EYS: variants seen among roughly 807,000 people sequenced by gnomAD.
EYS encodes the protein EGF-like photoreceptor maintenance factor, also known as protein eyes shut homolog.
A neutral mutation model predicts 282.1 loss-of-function variants in EYS; 250 were observed. That is an observed-to-expected ratio of 0.89 (90% CI 0.80 to 0.98). EYS has a LOEUF of 0.98. EYS is among the 50% of genes least tolerant of loss of function. The pLI is 0.00. For synonymous variants in EYS, 1,355 were observed against 1,282.9 expected (o/e 1.06, Z -1.20); for missense variants, 4,016 against 3,709.0 (o/e 1.08, Z -2.15).
At chr6:64,396,395 T>A (rs181627746) in intron 28 of EYS, among the ~76,000 whole-genome samples, 2,619 of 152,210 alleles carry the variant, frequency 0.017, 66 homozygotes, top group African/African-American at 0.06. Context: ...AGGATTTTCT[T>A]TTTACTTTGG....
intron 31 of EYS, among the ~76,000 whole-genome samples, chr6:64,207,240 C>G (rs554127973): frequency 7.3e-5 from 11 of 151,616 alleles, no homozygotes; most frequent in Non-Finnish European, 1.6e-4. Context: ...ATAATTAACC[C>G]ACTCCCAAGT....
At chr6:65,042,435 T>C (rs945398348) in intron 13 of EYS, among the ~76,000 whole-genome samples, 7 of 151,610 alleles carry the variant, frequency 4.6e-5, no homozygotes, top group African/African-American at 1.7e-4. Context: ...TGTAATTTTC[T>C]TGCTTTCATT....
chr6:64,267,785 A>C (rs1767810765), intron 30 of EYS, among the ~76,000 whole-genome samples: 1 of 152,108 alleles, frequency 6.6e-6, no homozygotes, highest in Admixed American at 6.6e-5. Flanking sequence ...ACAGAAAAGG[A>C]ATATGGATAT....
intron 27 of EYS, among the ~76,000 whole-genome samples, chr6:64,437,076 A>C (rs1379435998): frequency 1.3e-5 from 2 of 150,828 alleles, no homozygotes; most frequent in African/African-American, 4.9e-5. Flanking sequence ...AGATAAAGAT[A>C]ATGCTATATA....
chr6:64,635,873 T>A (rs942957285), intron 22 of EYS, among the ~76,000 whole-genome samples: 1 of 152,194 alleles, frequency 6.6e-6, no homozygotes, highest in African/African-American at 2.4e-5. Flanking sequence ...TTTTTCTATT[T>A]ATTGGAATAG....
At chr6:64,583,054 T>C (rs1766125632) in intron 26 of EYS, among the ~76,000 whole-genome samples, 1 of 152,160 alleles carries the variant, frequency 6.6e-6, no homozygotes, top group East Asian at 1.9e-4. Flanking sequence ...TATATATTGT[T>C]ACAAAAGATT....
intron 1 of EYS, among the ~76,000 whole-genome samples, chr6:65,701,408 G>A (rs965475676): frequency 1.3e-5 from 2 of 152,034 alleles, no homozygotes; most frequent in Non-Finnish European, 2.9e-5. Context: ...ATTTTTCTAG[G>A]TTCCCTATTA....
chr6:64,858,387 T>TA (rs933803725), intron 19 of EYS, among the ~76,000 whole-genome samples: 21 of 152,214 alleles, frequency 1.4e-4, no homozygotes, highest in African/African-American at 4.8e-4. Context: ...GGCACCTGTG[T>TA]AAAAAATCGC....
chr6:64,512,440 T>C (rs967241218), intron 26 of EYS, among the ~76,000 whole-genome samples: 1 of 151,898 alleles, frequency 6.6e-6, no homozygotes, highest in Non-Finnish European at 1.5e-5. Context: ...ATTTTGACAA[T>C]GAAGACGGTA....
At chr6:65,200,618 A>G (rs926186629) in intron 12 of EYS, among the ~76,000 whole-genome samples, 5 of 151,626 alleles carry the variant, frequency 3.3e-5, no homozygotes, top group African/African-American at 7.3e-5. Flanking sequence ...CACGAAGTAC[A>G]GTTATTGTAT....
At chr6:65,482,807 C>T (rs543469043) in intron 5 of EYS, among the ~76,000 whole-genome samples, 1 of 152,210 alleles carries the variant, frequency 6.6e-6, no homozygotes, top group South Asian at 2.1e-4. Context: ...TTCAAACATC[C>T]CAGCATCCTT....
intron 12 of EYS, among the ~76,000 whole-genome samples, chr6:65,191,202 C>A (rs1002035157): frequency 6.6e-5 from 10 of 151,734 alleles, no homozygotes; most frequent in African/African-American, 2.4e-4. Flanking sequence ...CAAAGTCAGC[C>A]TTACTTTCTC....
chr6:63,964,046 T>G (rs1241302070), intron 35 of EYS, among the ~76,000 whole-genome samples: 1 of 152,230 alleles, frequency 6.6e-6, no homozygotes, highest in Non-Finnish European at 1.5e-5. Flanking sequence ...ATAAAGAGAA[T>G]ATTGTTCTAC....
intron 13 of EYS, among the ~76,000 whole-genome samples, chr6:65,056,821 C>T (rs1178275112): frequency 1.3e-5 from 2 of 151,880 alleles, no homozygotes; most frequent in Non-Finnish European, 1.5e-5. Context: ...AATAACATTT[C>T]TCATTTAAAT....
At chr6:65,215,204 G>C (rs1002174454) in intron 12 of EYS, among the ~76,000 whole-genome samples, 3 of 152,072 alleles carry the variant, frequency 2.0e-5, no homozygotes, top group African/African-American at 7.2e-5. Context: ...TTGGCATATT[G>C]AAACATTCTG....
chr6:64,783,473 A>AT (rs113911727), intron 22 of EYS, among the ~76,000 whole-genome samples: 2,754 of 152,102 alleles, frequency 0.018, 64 homozygotes, highest in African/African-American at 0.063. Context: ...ATCAATTTAT[A>AT]TCTTCATTAT....
At position 63,720,566 on chromosome 6, in the gene EYS, A is replaced by G. The variant is rs746282101; in HGVS notation, c.*30T>C. 9.2e-6 allele frequency: 13 copies of G among 1,411,182 alleles called. No individual in the cohort carries two copies. Among genetic ancestry groups the G allele is most frequent in the Non-Finnish European group, 1.2e-5 (13 of 1,061,912 alleles). The allele number at this position is 1,411,182 out of a possible 1,614,324, so 87.4% of individuals were successfully genotyped here. ...ACTATCAAAATAACTGCATTTATGT[A>G]TAGTGTGTACTAAAATCTCTAGTGT... is the stretch of plus-strand genomic sequence containing the variant. On this transcript the variant is annotated 3_prime_UTR_variant, in exon 43 of 43. Transcript: ENST00000503581.
intron 12 of EYS, among the ~76,000 whole-genome samples, chr6:65,224,807 T>C (rs1044621826): frequency 1.3e-5 from 2 of 152,118 alleles, no homozygotes; most frequent in Admixed American, 1.3e-4. Context: ...ATAATTTATA[T>C]AACCAAAACA....
intron 1 of EYS, among the ~76,000 whole-genome samples, chr6:65,653,681 T>C (rs1481390627): frequency 6.6e-6 from 1 of 151,970 alleles, no homozygotes; most frequent in Non-Finnish European, 1.5e-5. Context: ...TTCCAGGATC[T>C]GTTTATATTC....
Sources: allele counts gnomAD v4.1 joint callset (sites outside exome capture counted in the v4.1 genomes callset), GRCh38; gene constraint gnomAD v4.1.1; transcripts MANE v1.5; gene names NCBI Gene and HGNC (gene_info 2026-07-23, HGNC 2026-07-21).